IQSEC1: variants seen among roughly 807,000 people sequenced by gnomAD.
IQSEC1 encodes IQ motif and Sec7 domain ArfGEF 1, also known as IQ motif and SEC7 domain-containing protein 1.
IQSEC1 carries 31 observed loss-of-function variants against 91.0 expected under a neutral mutation model. The observed-to-expected ratio is 0.34, with a 90% CI of 0.26 to 0.46. The LOEUF is 0.46. Among genes scored for constraint, IQSEC1 ranks in the 20% least tolerant of loss-of-function variants. The pLI is 1.00. For synonymous variants in IQSEC1, 699 were observed against 662.6 expected, an observed-to-expected ratio of 1.05 and a Z score of -0.84; for missense variants, 1,388 against 1,575.6, an observed-to-expected ratio of 0.88 and a Z score of 2.02.
intron 1 of IQSEC1, among the ~76,000 whole-genome samples, chr3:13,174,007 G>A (rs1206893444): frequency 1.3e-5 from 2 of 152,170 alleles, no homozygotes; most frequent in African/African-American, 2.4e-5. Flanking sequence ...TGGGTCCTAG[G>A]AGAGGCGGCC....
chr3:13,050,255 C>A (rs1576215520), intron 1 of IQSEC1, among the ~76,000 whole-genome samples: 1 of 152,132 alleles, frequency 6.6e-6, no homozygotes, highest in Non-Finnish European at 1.5e-5. Flanking sequence ...GTTCTCCCTG[C>A]CGTCCTTTTT....
chr3:12,985,328 G>A (rs1350950915), intron 1 of IQSEC1, among the ~76,000 whole-genome samples: 1 of 152,132 alleles, frequency 6.6e-6, no homozygotes, highest in Admixed American at 6.5e-5. Context: ...GCTGCCTCAA[G>A]GTCACCCAAT....
intron 1 of IQSEC1, among the ~76,000 whole-genome samples, chr3:13,059,243 G>A (rs927491345): frequency 6.6e-6 from 1 of 152,120 alleles, no homozygotes; most frequent in Non-Finnish European, 1.5e-5. Flanking sequence ...CAATGGCGCT[G>A]CCACCCATCA....
chr3:13,249,823 T>C (rs1450643607), intron 1 of IQSEC1, among the ~76,000 whole-genome samples: 1 of 152,180 alleles, frequency 6.6e-6, no homozygotes, highest in African/African-American at 2.4e-5. Flanking sequence ...GCTGCAGCCG[T>C]CATCCTCTTG....
At chr3:13,217,629 T>C (rs943312714) in intron 1 of IQSEC1, among the ~76,000 whole-genome samples, 52 of 152,358 alleles carry the variant, frequency 3.4e-4, no homozygotes, top group African/African-American at 1.3e-3. Context: ...CCCAACTTGA[T>C]TCATTCTAGG....
intron 1 of IQSEC1, among the ~76,000 whole-genome samples, chr3:12,945,025 GGGCCCA>G (rs1471076189): frequency 6.6e-6 from 1 of 152,228 alleles, no homozygotes; most frequent in Non-Finnish European, 1.5e-5. Context: ...GGGTGAGTGA[GGGCCCA>G]GGCCTGCCTG....
At chr3:13,248,131 C>A (rs1437400341) in intron 1 of IQSEC1, among the ~76,000 whole-genome samples, 1 of 152,222 alleles carries the variant, frequency 6.6e-6, no homozygotes, top group Non-Finnish European at 1.5e-5. Flanking sequence ...TGAGACCTCC[C>A]AGACTGCAGG....
chr3:13,159,187 T>G (rs1030043602), intron 2 of IQSEC1, among the ~76,000 whole-genome samples: 2 of 152,122 alleles, frequency 1.3e-5, no homozygotes, highest in African/African-American at 4.8e-5. Context: ...CCCAACACTT[T>G]GGGAGGTTGA....
At chr3:13,020,750 T>C (rs1485386615) in intron 1 of IQSEC1, among the ~76,000 whole-genome samples, 1 of 152,210 alleles carries the variant, frequency 6.6e-6, no homozygotes, top group Non-Finnish European at 1.5e-5. Context: ...CATCACACAC[T>C]ACCCTTGAAC....
At chr3:13,176,993 A>G (rs1032276302) in intron 1 of IQSEC1, among the ~76,000 whole-genome samples, 1 of 152,264 alleles carries the variant, frequency 6.6e-6, no homozygotes. Context: ...GAAATGTCCC[A>G]AACAGGTGAA....
At chr3:13,263,416 A>C (rs1312193923) in intron 1 of IQSEC1, among the ~76,000 whole-genome samples, 1 of 107,328 alleles carries the variant, frequency 9.3e-6, no homozygotes, top group Non-Finnish European at 1.8e-5. Flanking sequence ...AGTACCTGAC[A>C]CTTTTTTTTT....
intron 1 of IQSEC1, among the ~76,000 whole-genome samples, chr3:13,201,238 C>G (rs182948395): frequency 6.6e-6 from 1 of 152,356 alleles, no homozygotes; most frequent in Non-Finnish European, 1.5e-5. Context: ...CCAACCTTCC[C>G]TCTGTACCCA....
chr3:13,267,309 T>C (rs1695508934), intron 1 of IQSEC1, among the ~76,000 whole-genome samples: 1 of 152,338 alleles, frequency 6.6e-6, no homozygotes, highest in African/African-American at 2.4e-5. Context: ...TAAATGTCTA[T>C]TGTTTATAAG....
Position 13,052,515 on chromosome 3 carries a change from C to T in IQSEC1, c.23+20477G>A, listed in dbSNP as rs777070219. ...AGGACTGCCGCAAGTGTTCTTGGAC[C>T]GGTGTTTGTGTAGACGCCAGTCTTC... On this transcript the variant is annotated intron_variant, in intron 1 of 13. Transcript: ENST00000613206. Among the ~76,000 whole-genome samples, 148 of 152,294 alleles carry T rather than the reference C, an allele frequency of 9.7e-4. 2 individuals carry two copies. The Middle Eastern group carries it at 0.01, about 11-fold the overall frequency.
chr3:13,148,815 C>T (rs1706941133), intron 2 of IQSEC1, among the ~76,000 whole-genome samples: 1 of 152,266 alleles, frequency 6.6e-6, no homozygotes, highest in Non-Finnish European at 1.5e-5. Context: ...GTCAGGCTAG[C>T]CTGCTTTGGC....
chr3:13,250,684 C>G (rs1415732727), intron 1 of IQSEC1, among the ~76,000 whole-genome samples: 1 of 151,834 alleles, frequency 6.6e-6, no homozygotes, highest in Non-Finnish European at 1.5e-5. Context: ...CCAGGCTGAT[C>G]TCAAACTCCT....
intron 2 of IQSEC1, among the ~76,000 whole-genome samples, chr3:13,106,443 G>A (rs1387476006): frequency 6.6e-6 from 1 of 152,218 alleles, no homozygotes; most frequent in Non-Finnish European, 1.5e-5. Context: ...TATGTCAGGT[G>A]TGGTTCTAAG....
chr3:13,195,265 C>T (rs1326198508), intron 1 of IQSEC1, among the ~76,000 whole-genome samples: 9 of 152,074 alleles, frequency 5.9e-5, no homozygotes, highest in Admixed American at 2.0e-4. Flanking sequence ...TTGTAAGACA[C>T]GCAGAAAATG....
At chr3:13,068,399 G>T (rs1705306887) in intron 1 of IQSEC1, among the ~76,000 whole-genome samples, 1 of 152,218 alleles carries the variant, frequency 6.6e-6, no homozygotes, top group Non-Finnish European at 1.5e-5. Flanking sequence ...TGCCAGCTTT[G>T]GGTATACAAC....
Sources: gnomAD v4.1 joint callset for allele counts (sites outside exome capture counted in the v4.1 genomes callset) on GRCh38, gnomAD v4.1.1 for gene constraint, MANE v1.5 for transcripts, NCBI Gene and HGNC (gene_info 2026-07-23, HGNC 2026-07-21) for gene names.